The following FAM193A variants were observed in gnomAD, a reference collection of about 807,000 sequenced individuals.
FAM193A encodes the protein protein FAM193A.
A neutral mutation model predicts 126.5 loss-of-function variants in FAM193A; 22 were observed. The ratio of observed to expected loss-of-function variants is 0.17; its 90% CI spans 0.12 to 0.25. The LOEUF is 0.25. Among genes scored for constraint, FAM193A ranks in the 10% least tolerant of loss-of-function variants. The pLI is 1.00. For synonymous variants in FAM193A, 761 were observed against 646.8 expected (o/e 1.18, Z -2.68); for missense variants, 1,675 against 1,672.8 (o/e 1.00, Z -0.02).
intron 1 of FAM193A, among the ~76,000 whole-genome samples, chr4:2,573,090 A>G (rs1247522156): frequency 6.6e-6 from 1 of 152,100 alleles, no homozygotes; most frequent in Non-Finnish European, 1.5e-5. Context: ...AGTGTCAGAT[A>G]AGCAGGAATC....
intron 1 of FAM193A, among the ~76,000 whole-genome samples, chr4:2,561,792 C>T (rs997827792): frequency 1.3e-5 from 2 of 152,092 alleles, no homozygotes; most frequent in South Asian, 2.1e-4. Context: ...CCACCGTACC[C>T]GGCTGAGATT....
chr4:2,586,854 C>G (rs1204287826), intron 1 of FAM193A, among the ~76,000 whole-genome samples: 1 of 152,010 alleles, frequency 6.6e-6, no homozygotes, highest in East Asian at 1.9e-4. Context: ...GGGTCTCCCT[C>G]TGTTGCTCAG....
chr4:2,623,573 C>T (rs1477420055), intron 2 of FAM193A, among the ~76,000 whole-genome samples: 1 of 152,250 alleles, frequency 6.6e-6, no homozygotes, highest in African/African-American at 2.4e-5. Flanking sequence ...TGACCCAACT[C>T]CACAGCACCT....
At chr4:2,550,564 G>A (rs949008762) in intron 1 of FAM193A, among the ~76,000 whole-genome samples, 1 of 150,516 alleles carries the variant, frequency 6.6e-6, no homozygotes, top group African/African-American at 2.4e-5. Flanking sequence ...AGCCTCCCGA[G>A]TAGCTGGGAT....
chr4:2,639,767 G>C lies in FAM193A; in HGVS notation c.1071G>C (p.Thr357=), dbSNP rs764508544. The change falls in exon 6 of 21, where the codon ACG becomes ACC. Residue 357 remains threonine (T), a synonymous_variant. Transcript: ENST00000637812. Reference sequence around the variant, plus strand: ...AACACTTGAAAAAGTTCCAAGTGACGTGGGAACTGCATAATAAACACCTGT... The same window carrying C: ...AACACTTGAAAAAGTTCCAAGTGACCTGGGAACTGCATAATAAACACCTGT... ...ENEHLKKFQV[T]WELHNKHLFE... is the part of the protein sequence containing the mutation. 6.2e-7 allele frequency: 1 copy of C among 1,613,030 alleles called. No individual in the cohort carries two copies. The highest frequency in any genetic ancestry group is 1.7e-5 in the Admixed American group (1 of 59,874).
At chr4:2,693,002 G>C (rs1175983529) in intron 15 of FAM193A, among the ~76,000 whole-genome samples, 1 of 152,020 alleles carries the variant, frequency 6.6e-6, no homozygotes, top group Non-Finnish European at 1.5e-5. Flanking sequence ...CAGGGGTTCA[G>C]GACCAGCCTG....
intron 1 of FAM193A, among the ~76,000 whole-genome samples, chr4:2,546,155 A>C (rs1737536915): frequency 1.3e-5 from 2 of 150,224 alleles, no homozygotes. Context: ...CTCAAAAAAA[A>C]AAAATTTTTT....
At chr4:2,586,250 A>AT (rs1463225144) in intron 1 of FAM193A, among the ~76,000 whole-genome samples, 4 of 150,924 alleles carry the variant, frequency 2.7e-5, no homozygotes, top group Non-Finnish European at 4.4e-5. Flanking sequence ...GTCTCAAAAA[A>AT]AAAAATATAT....
chr4:2,540,797 C>G (rs549606232), intron 1 of FAM193A, among the ~76,000 whole-genome samples: 2 of 151,934 alleles, frequency 1.3e-5, no homozygotes, highest in African/African-American at 4.8e-5. Flanking sequence ...CCCATCTCTA[C>G]TAAAAATACA....
chr4:2,580,899 G>A (rs527619905), intron 1 of FAM193A, among the ~76,000 whole-genome samples: 78 of 152,316 alleles, frequency 5.1e-4, no homozygotes, highest in South Asian at 1.9e-3. Context: ...GGAGGCCGAG[G>A]CGGGCAGATC....
At chr4:2,670,846 A>G (rs1713707268) in intron 12 of FAM193A, among the ~76,000 whole-genome samples, 1 of 152,178 alleles carries the variant, frequency 6.6e-6, no homozygotes, top group Non-Finnish European at 1.5e-5. Context: ...ATTTTGCATT[A>G]TCATTTTTTC....
chr4:2,540,421 T>A (rs1737158121), intron 1 of FAM193A, among the ~76,000 whole-genome samples: 2 of 151,688 alleles, frequency 1.3e-5, no homozygotes, highest in African/African-American at 4.9e-5. Context: ...TGAGCCGAGA[T>A]GGCGCCACTG....
At chr4:2,564,578 C>G (rs970148090) in intron 1 of FAM193A, among the ~76,000 whole-genome samples, 3 of 152,024 alleles carry the variant, frequency 2.0e-5, no homozygotes, top group Non-Finnish European at 2.9e-5. Context: ...CTTTTTTGTA[C>G]TGGAAAAAGT....
Position 2,725,844 on chromosome 4 carries a change from T to G in FAM193A, c.4455-5931T>G, listed in dbSNP as rs571783451. Reference sequence around the variant, plus strand: ...CTCCCACCTCAGCCTCCTGACTAGCTGGGACTACAGGCGTGGGCCACCAAT... The same window carrying G: ...CTCCCACCTCAGCCTCCTGACTAGCGGGGACTACAGGCGTGGGCCACCAAT... On this transcript the variant is annotated intron_variant, in intron 20 of 20. Transcript: ENST00000637812. Among the ~76,000 whole-genome samples the G allele has an allele frequency of 7.2e-5, 11 of 152,216 alleles. No individual in the cohort carries two copies. In the South Asian group the frequency reaches 2.3e-3, roughly 32 times the overall value.
intron 1 of FAM193A, among the ~76,000 whole-genome samples, chr4:2,544,183 C>T (rs998836068): frequency 6.6e-6 from 1 of 152,172 alleles, no homozygotes; most frequent in Non-Finnish European, 1.5e-5. Context: ...ACCATACACG[C>T]TTTAGAAATG....
chr4:2,707,970 G>A (rs1295486806), intron 19 of FAM193A, among the ~76,000 whole-genome samples: 2 of 152,050 alleles, frequency 1.3e-5, no homozygotes, highest in South Asian at 4.1e-4. Context: ...GGCTAGTCTC[G>A]AACTCCTGAC....
At chr4:2,590,003 C>T (rs757813459) in intron 1 of FAM193A, among the ~76,000 whole-genome samples, 5 of 151,656 alleles carry the variant, frequency 3.3e-5, no homozygotes, top group Non-Finnish European at 5.9e-5. Flanking sequence ...GGCATGGTGG[C>T]GCAGGCATGT....
At chr4:2,539,034 G>T (rs1737063672) in intron 1 of FAM193A, among the ~76,000 whole-genome samples, 2 of 152,030 alleles carry the variant, frequency 1.3e-5, no homozygotes, top group Non-Finnish European at 2.9e-5. Context: ...GGGACTACAG[G>T]TACCTGCCAC....
intron 4 of FAM193A, among the ~76,000 whole-genome samples, chr4:2,629,526 G>A (rs1249830566): frequency 6.6e-6 from 1 of 152,100 alleles, no homozygotes; most frequent in Non-Finnish European, 1.5e-5. Flanking sequence ...ATTTTACTTG[G>A]CACTTGTCTT....
Sources: allele counts gnomAD v4.1 joint callset (sites outside exome capture counted in the v4.1 genomes callset), GRCh38; gene constraint gnomAD v4.1.1; transcripts MANE v1.5; gene names NCBI Gene and HGNC (gene_info 2026-07-23, HGNC 2026-07-21).